Variants in FAM149A observed in about 807,000 individuals in gnomAD.
The protein encoded by FAM149A is family with sequence similarity 149 member A.
Under a neutral mutation model 78.2 loss-of-function variants are expected in FAM149A, and 71 were observed. That is an observed-to-expected ratio of 0.91 (90% confidence interval 0.75 to 1.11). The LOEUF (loss-of-function observed/expected upper bound fraction) is 1.11. Ranked by LOEUF, FAM149A falls within the 50% of genes least tolerant of loss-of-function variation. The probability of loss-of-function intolerance (pLI) is 0.00; values close to 1 mark genes in which losing one functional copy is unlikely to be tolerated. For missense variants in FAM149A, 1,036 were observed against 971.0 expected (o/e 1.07, Z -0.89); for synonymous variants, 446 against 410.5 (o/e 1.09, Z -1.04).
At chr4:186,149,534 T>C (rs1268812972) in intron 2 of FAM149A, 32 bp from the exon 3 acceptor site, 1 of 1,289,688 alleles carries the variant, frequency 7.8e-7, no homozygotes, top group Non-Finnish European at 1.0e-6. Flanking sequence ...TTCCAGCAAA[T>C]GTGATTTCTT....
intron 1 of FAM149A, among the ~76,000 whole-genome samples, chr4:186,106,931 CAGAG>C (rs368377993): frequency 2.8e-3 from 420 of 152,194 alleles, no homozygotes; most frequent in African/African-American, 9.4e-3. Context: ...ACCTGGGCGA[CAGAG>C]AGAGAGACTC....
At position 186,157,574 on chromosome 4, in the gene FAM149A, A is replaced by G. The variant is rs370135526; in HGVS notation, c.1430A>G (p.Lys477Arg). 9 of 1,613,988 alleles carry G rather than the reference A, an allele frequency of 5.6e-6. No individual in the cohort carries two copies. In the African/African-American group the frequency reaches 1.2e-4, roughly 22 times the overall value. Residue 477 changes from lysine (K) to arginine (R), a missense_variant, in exon 8 of 14, where the codon AAA (lysine) becomes AGA (arginine). This residue lies in a region of FAM149A where 716 missense variants were observed against 711.8 expected (regional missense o/e 1.01). Transcript: ENST00000389354. ...TCTTCTGTTGACACAGAAGGGAAAAAACAGAGAGAAACATTGAAAGTGGCT... is the reference window on the plus strand; with the variant it reads ...TCTTCTGTTGACACAGAAGGGAAAAGACAGAGAGAAACATTGAAAGTGGCT...
In FAM149A at chr4:186,144,795, G is replaced by T; in HGVS notation, c.567-4378G>T. 3 of 981,350 alleles carry T rather than the reference G, an allele frequency of 3.1e-6. No homozygotes were observed. Among genetic ancestry groups the T allele is most frequent in the Non-Finnish European group, 3.6e-6 (3 of 826,514 alleles). 60.8% of individuals were successfully genotyped at this position (981,350 alleles called of 1,614,324 possible). ...AGCCGGGATTAGCTGGCGGGCGAGGGCGCAGCGCAGGGAGGAGGAGGGGAG... is the reference window on the plus strand; with the variant it reads ...AGCCGGGATTAGCTGGCGGGCGAGGTCGCAGCGCAGGGAGGAGGAGGGGAG... On this transcript the variant is annotated intron_variant, in intron 1 of 13. Coordinates refer to ENST00000389354, the MANE Select transcript of FAM149A (RefSeq NM_001367768.3). The surrounding 1 kb of genome is among the most constrained non-coding windows in gnomAD (Gnocchi z 4.2).
chr4:186,148,923 A>G (rs192287751), intron 1 of FAM149A, among the ~76,000 whole-genome samples: 5 of 152,230 alleles, frequency 3.3e-5, no homozygotes, highest in African/African-American at 1.2e-4. Flanking sequence ...ATAAAGGTAC[A>G]TATAGGTTAA....
intron 13 of FAM149A, chr4:186,169,682 C>G: frequency 8.1e-6 from 8 of 985,390 alleles, no homozygotes; most frequent in Non-Finnish European, 9.6e-6. Context: ...TCACTCACTG[C>G]TTTCTGGAAG....
intron 1 of FAM149A, among the ~76,000 whole-genome samples, chr4:186,148,098 G>A (rs919422111): frequency 6.6e-6 from 1 of 152,034 alleles, no homozygotes; most frequent in African/African-American, 2.4e-5. Flanking sequence ...AGGCCGAAGC[G>A]GGTAGATCAC....
intron 1 of FAM149A, among the ~76,000 whole-genome samples, chr4:186,124,417 C>A (rs911355123): frequency 2.0e-5 from 3 of 151,512 alleles, no homozygotes; most frequent in Non-Finnish European, 4.4e-5. Flanking sequence ...CCCCGCTCCC[C>A]CCCACCCCAC....
At chr4:186,121,799 T>G (rs926594417) in intron 1 of FAM149A, among the ~76,000 whole-genome samples, 1 of 152,218 alleles carries the variant, frequency 6.6e-6, no homozygotes, top group Non-Finnish European at 1.5e-5. Flanking sequence ...CTGCTTCTGC[T>G]CTTTTGTCTC....
rs1734891598 is a variant in FAM149A at position 186,164,791 on chromosome 4, C to CTG, written c.1890-549_1890-548dup. Among the ~76,000 whole-genome samples, 1 of 152,094 alleles carries CTG rather than the reference C, an allele frequency of 6.6e-6. No individual in the cohort carries two copies. The highest frequency in any genetic ancestry group is 1.5e-5 in the Non-Finnish European group (1 of 68,022). On this transcript the variant is annotated intron_variant, in intron 10 of 13. Transcript: ENST00000389354. This position sits in a 1 kb window ranked among gnomAD's most constrained non-coding sequence, Gnocchi z 4.0. ...GATGCCACTAACTGTACAAATCCCT[C>CTG]TGTGTTCTGACCCCTCCCTCCCTGT... is the stretch of plus-strand genomic sequence containing the variant.
chr4:186,150,638 C>T (rs1455095468), intron 3 of FAM149A, among the ~76,000 whole-genome samples: 3 of 143,614 alleles, frequency 2.1e-5, no homozygotes, highest in East Asian at 2.1e-4. Context: ...CCAGGATGGT[C>T]TCGATCTCCT....
intron 3 of FAM149A, among the ~76,000 whole-genome samples, chr4:186,150,087 G>A (rs1362182906): frequency 2.0e-5 from 3 of 151,952 alleles, no homozygotes; most frequent in East Asian, 1.9e-4. Flanking sequence ...AGAACTCCCC[G>A]CCAGTATTCC....
rs142664504 is a variant in FAM149A at position 186,121,805 on chromosome 4, G to A, written c.566+16163G>A. 5.3e-3 allele frequency among the ~76,000 whole-genome samples: 802 copies of A among 152,292 alleles called. 2 individuals carry two copies. Among genetic ancestry groups the A allele is most frequent in the Non-Finnish European group, 8.5e-3 (577 of 68,028 alleles). On this transcript the variant is annotated intron_variant, in intron 1 of 13. Coordinates refer to ENST00000389354, the MANE Select transcript of FAM149A (RefSeq NM_001367768.3). ...GTTGAAGTTCTGCTTCTGCTCTTTT[G>A]TCTCTGTCTTGCTTTTGTGGTGGAG...
At chr4:186,130,293 C>CTCTCTCTCTCTCTCTCTATATATATA in intron 1 of FAM149A, 53 of 46,560 alleles carry the variant, frequency 1.1e-3, no homozygotes, top group East Asian at 2.3e-3. Flanking sequence ...CTCTCTCTCT[C>CTCTCTCTCTCTCTCTCTATATATATA]TATATATATA....
intron 1 of FAM149A, among the ~76,000 whole-genome samples, chr4:186,143,046 A>G (rs1339684829): frequency 2.6e-5 from 4 of 151,942 alleles, no homozygotes; most frequent in Non-Finnish European, 4.4e-5. Flanking sequence ...TCTACCTACT[A>G]TGGGTGTTAA....
At chr4:186,127,665 G>A in intron 1 of FAM149A, 1 of 985,262 alleles carries the variant, frequency 1.0e-6, no homozygotes, top group South Asian at 4.7e-5. Context: ...TGTGAAAGAG[G>A]TAGTCTGAAA....
At chr4:186,163,056 C>A in intron 9 of FAM149A, 108 bp downstream of exon 9, 1 of 718,018 alleles carries the variant, frequency 1.4e-6, no homozygotes, top group East Asian at 2.6e-5. Flanking sequence ...CATTTAATCC[C>A]GTGCTTCAGA....
chr4:186,145,611 A>T (rs1468646404), intron 1 of FAM149A, among the ~76,000 whole-genome samples: 3 of 152,216 alleles, frequency 2.0e-5, no homozygotes, highest in African/African-American at 7.2e-5. Context: ...GCTGGAATGG[A>T]GTCATGGAGA....
chr4:186,126,065 G>A, intron 1 of FAM149A: 1 of 985,336 alleles, frequency 1.0e-6, no homozygotes, highest in Non-Finnish European at 1.2e-6. Context: ...CCAGACTCCT[G>A]TGGGATCTGG....
At chr4:186,125,156 A>G in intron 1 of FAM149A, 11 of 611,304 alleles carry the variant, frequency 1.8e-5, no homozygotes, top group Non-Finnish European at 2.3e-5. Flanking sequence ...ACAGCCATAC[A>G]AGTCAATGAC....
Sources: gnomAD v4.1 joint callset for allele counts (sites outside exome capture counted in the v4.1 genomes callset) on GRCh38, gnomAD v4.1.1 for gene constraint, gnomAD v4.1.1 regional missense constraint, Gnocchi (gnomAD v3.1) non-coding constraint, MANE v1.5 for transcripts, NCBI Gene and HGNC (gene_info 2026-07-23, HGNC 2026-07-21) for gene names.